CNTNAP5: variants seen among roughly 807,000 people sequenced by gnomAD.
CNTNAP5 encodes contactin-associated protein-like 5.
In CNTNAP5, 72 loss-of-function variants were observed where a neutral mutation model predicts 150.2. That is an observed-to-expected ratio of 0.48 (90% CI 0.40 to 0.58). The LOEUF (loss-of-function observed/expected upper bound fraction) is 0.58, where lower values mean the gene tolerates loss of function less well. CNTNAP5 is among the 20% of genes least tolerant of loss of function. The pLI, the probability that CNTNAP5 is intolerant of heterozygous loss-of-function variation, is 0.00. For missense variants in CNTNAP5, 1,636 were observed against 1,626.2 expected (o/e 1.01, Z -0.10); for synonymous variants, 672 against 619.8 (o/e 1.08, Z -1.25).
chr2:124,599,835 G>C (rs1203096605), intron 11 of CNTNAP5, among the ~76,000 whole-genome samples: 1 of 151,508 alleles, frequency 6.6e-6, no homozygotes, highest in Non-Finnish European at 1.5e-5. Context: ...CTCATGGGTT[G>C]GGGGGAGCTC....
intron 13 of CNTNAP5, among the ~76,000 whole-genome samples, chr2:124,684,960 T>C (rs1679157526): frequency 6.6e-6 from 1 of 152,116 alleles, no homozygotes; most frequent in Admixed American, 6.6e-5. Context: ...TCACCAGGCC[T>C]TCCTATGCTT....
At chr2:124,218,350 G>T (rs1686215188) in intron 1 of CNTNAP5, among the ~76,000 whole-genome samples, 1 of 152,134 alleles carries the variant, frequency 6.6e-6, no homozygotes. Context: ...CGTAAGCGAG[G>T]TTGCCAAAGT....
chr2:124,304,413 A>T (rs1438767913), intron 3 of CNTNAP5, among the ~76,000 whole-genome samples: 6 of 147,706 alleles, frequency 4.1e-5, no homozygotes, highest in Admixed American at 1.3e-4. Flanking sequence ...AAAACAGATG[A>T]TATAAAAACA....
At chr2:124,423,033 A>G (rs1482305794) in intron 4 of CNTNAP5, among the ~76,000 whole-genome samples, 1 of 152,180 alleles carries the variant, frequency 6.6e-6, no homozygotes, top group African/African-American at 2.4e-5. Context: ...ATTTTAAATG[A>G]AATCTGAAAA....
chr2:124,500,132 T>C (rs368633169), intron 7 of CNTNAP5, among the ~76,000 whole-genome samples: 9 of 152,204 alleles, frequency 5.9e-5, no homozygotes, highest in East Asian at 5.8e-4. Flanking sequence ...CCCACCCACA[T>C]TGGGGAGGGC....
chr2:124,400,866 C>CT (rs200535131), intron 3 of CNTNAP5, among the ~76,000 whole-genome samples: 6 of 150,440 alleles, frequency 4.0e-5, no homozygotes, highest in African/African-American at 9.8e-5. Flanking sequence ...ACCCCCTACA[C>CT]TTTTTTTTTA....
intron 13 of CNTNAP5, among the ~76,000 whole-genome samples, chr2:124,666,847 A>G (rs1477666438): frequency 6.6e-6 from 1 of 152,064 alleles, no homozygotes; most frequent in African/African-American, 2.4e-5. Flanking sequence ...TTTCTTTCCC[A>G]TACTGACCTC....
rs556571236 is a variant in CNTNAP5, at chr2:124,057,448, A to ATTTT, written c.82+31736_82+31739dup. Reference sequence around the variant, plus strand: ...AGGCACCCACCAGCACGGCCAGCTAATTTTTTTTTTTTTTTTTTTTTTTAG... The same window carrying ATTTT: ...AGGCACCCACCAGCACGGCCAGCTAATTTTTTTTTTTTTTTTTTTTTTTTTTTAG... On this transcript the variant is annotated intron_variant, in intron 1 of 23. Transcript: ENST00000682447. 7.8e-3 allele frequency among the ~76,000 whole-genome samples: 489 copies of ATTTT among 62,774 alleles called. 66 individuals carry two copies. The highest frequency in any genetic ancestry group is 9.3e-3 in the Non-Finnish European group (347 of 37,288). The allele number at this position is 62,774 out of a possible 152,430, so 41.2% of individuals were successfully genotyped here. A position where few individuals can be genotyped will look rare whatever the true frequency, so the allele number is the denominator to read the frequency against.
intron 13 of CNTNAP5, among the ~76,000 whole-genome samples, chr2:124,654,529 T>G (rs1678398693): frequency 6.6e-6 from 1 of 152,094 alleles, no homozygotes. Context: ...GGATCCCCTC[T>G]GATTCATGGT....
chr2:124,271,657 TA>T (rs1573881710), intron 3 of CNTNAP5, among the ~76,000 whole-genome samples: 1 of 131,606 alleles, frequency 7.6e-6, no homozygotes, highest in Non-Finnish European at 1.6e-5. Flanking sequence ...AGTTTTTTTT[TA>T]ATCTATCTAT....
chr2:124,093,548 T>C (rs1156837981), intron 1 of CNTNAP5, among the ~76,000 whole-genome samples: 1 of 152,248 alleles, frequency 6.6e-6, no homozygotes, highest in Non-Finnish European at 1.5e-5. Flanking sequence ...TTCAAGTTTA[T>C]GTATGAGACG....
intron 10 of CNTNAP5, among the ~76,000 whole-genome samples, chr2:124,545,812 C>T (rs1416970347): frequency 1.3e-5 from 2 of 152,098 alleles, no homozygotes; most frequent in Non-Finnish European, 2.9e-5. Context: ...CAGCCTCAAG[C>T]CAAGTACAGT....
At chr2:124,105,406 A>G (rs1258752510) in intron 1 of CNTNAP5, among the ~76,000 whole-genome samples, 2 of 152,168 alleles carry the variant, frequency 1.3e-5, no homozygotes, top group Admixed American at 6.5e-5. Flanking sequence ...TCATTTTTTG[A>G]GAGATAGTGC....
chr2:124,783,137 C>A (rs533468462), intron 17 of CNTNAP5, among the ~76,000 whole-genome samples: 2 of 152,230 alleles, frequency 1.3e-5, no homozygotes, highest in East Asian at 1.9e-4. Flanking sequence ...AAGCTTCTGG[C>A]GTGCTGGTAA....
At position 124,515,614 on chromosome 2, in the gene CNTNAP5, T is replaced by C. The variant is rs141943272; in HGVS notation, c.1328-8689T>C. On this transcript the variant is annotated intron_variant, in intron 8 of 23. Transcript: ENST00000682447. Reference sequence around the variant, plus strand: ...AGAAAGTAATAAAACATATGTTCTCTGTCTGTACAGTTTAGGAAAGAATTT... The same window carrying C: ...AGAAAGTAATAAAACATATGTTCTCCGTCTGTACAGTTTAGGAAAGAATTT... Among the ~76,000 whole-genome samples, 5 of 152,350 alleles carry C rather than the reference T, an allele frequency of 3.3e-5. No individual in the cohort carries two copies. In the South Asian group the frequency reaches 6.2e-4, roughly 19 times the overall value.
intron 1 of CNTNAP5, among the ~76,000 whole-genome samples, chr2:124,044,637 C>G (rs1374938878): frequency 2.6e-5 from 4 of 152,044 alleles, no homozygotes; most frequent in African/African-American, 9.7e-5. Context: ...CACGGCCACC[C>G]TTATGGAGGT....
intron 3 of CNTNAP5, among the ~76,000 whole-genome samples, chr2:124,297,261 G>T (rs1393377455): frequency 6.6e-6 from 1 of 152,120 alleles, no homozygotes; most frequent in Non-Finnish European, 1.5e-5. Flanking sequence ...AATATGCCTG[G>T]TTCTCCGTGC....
intron 13 of CNTNAP5, among the ~76,000 whole-genome samples, chr2:124,729,291 A>C (rs1419046773): frequency 6.6e-6 from 1 of 152,118 alleles, no homozygotes; most frequent in East Asian, 1.9e-4. Flanking sequence ...TATTAATGTA[A>C]TACAATGAAA....
chr2:124,525,313 G>A (rs371033907), intron 9 of CNTNAP5, among the ~76,000 whole-genome samples: 11 of 152,220 alleles, frequency 7.2e-5, no homozygotes, highest in African/African-American at 1.9e-4. Context: ...TCTGAAACAC[G>A]GGGAAATAAG....
Sources: allele counts gnomAD v4.1 joint callset (sites outside exome capture counted in the v4.1 genomes callset), GRCh38; gene constraint gnomAD v4.1.1; transcripts MANE v1.5; gene names NCBI Gene and HGNC (gene_info 2026-07-23, HGNC 2026-07-21).